Variants in GLYR1 observed in about 807,000 individuals in gnomAD.
The protein encoded by GLYR1 is glyoxylate reductase 1 homolog.
Under a neutral mutation model 72.7 loss-of-function variants are expected in GLYR1, and 21 were observed. That is an observed-to-expected ratio of 0.29 (90% CI 0.20 to 0.42). The LOEUF is 0.42. Among genes scored for constraint, GLYR1 ranks in the 10% least tolerant of loss-of-function variants. GLYR1 has a pLI of 1.00. For synonymous variants in GLYR1, 392 were observed against 270.2 expected, an observed-to-expected ratio of 1.45 and a Z score of -4.42; for missense variants, 594 against 712.1, an observed-to-expected ratio of 0.83 and a Z score of 1.89.
At position 4,811,708 on chromosome 16, in the gene GLYR1, C is replaced by T. The variant is rs2085329; in HGVS notation, c.1377G>A (p.Gln459=). The T allele has an allele frequency of 6.2e-7, 1 of 1,614,206 alleles. No individual in the cohort carries two copies. The highest frequency in any genetic ancestry group is 8.5e-7 in the Non-Finnish European group (1 of 1,180,022). ...GTGTCTGCTGGGACTGGCCTGTCAC[C>T]TGGGCCAGGGTCAGCCCCTCGGCAA... ...ATIAEGLTLA[Q]VTGQSQQTLL... Residue 459 remains glutamine, a synonymous_variant, in exon 14 of 16, where the codon CAG becomes CAA. Transcript: ENST00000321919.
chr16:4,814,539 C>T lies in GLYR1; in HGVS notation c.1015G>A (p.Asp339Asn). The change falls in exon 11 of 16, where the codon GAC becomes AAC. Residue 339 changes from aspartate (D) to asparagine (N), a missense_variant and splice_region_variant. Physicochemically the swap from Asp to Asn is conservative, Grantham distance 23. Coordinates refer to ENST00000321919, the MANE Select transcript of GLYR1 (RefSeq NM_032569.4). Reference protein sequence around the residue: ...ACVSDPKAAKDLVLGPSGVLQ... With the variant: ...ACVSDPKAAKNLVLGPSGVLQ... Reference sequence around the variant, plus strand: ...GAGGGGAGGGAGGGGGTCCTTACGTCCTTGGCCGCCTTGGGATCCGACACG... The same window carrying T: ...GAGGGGAGGGAGGGGGTCCTTACGTTCTTGGCCGCCTTGGGATCCGACACG... 1 of 1,613,134 alleles carries T rather than the reference C, an allele frequency of 6.2e-7. No individual in the cohort carries two copies. The highest frequency in any genetic ancestry group is 8.5e-7 in the Non-Finnish European group (1 of 1,179,808).
intron 15 of GLYR1, among the ~76,000 whole-genome samples, chr16:4,805,785 G>C (rs952482502): frequency 6.6e-6 from 1 of 152,004 alleles, no homozygotes; most frequent in South Asian, 2.1e-4. Flanking sequence ...AGACCAGCCT[G>C]GTGACCGTCG....
intron 15 of GLYR1, among the ~76,000 whole-genome samples, chr16:4,809,607 G>A (rs1451561780): frequency 9.8e-5 from 13 of 132,794 alleles, no homozygotes; most frequent in Admixed American, 2.3e-4. Flanking sequence ...GCGAAACTCC[G>A]TCTCAAAAAA....
chr16:4,808,402 A>G (rs1393967378), intron 15 of GLYR1, among the ~76,000 whole-genome samples: 9 of 151,860 alleles, frequency 5.9e-5, no homozygotes, highest in African/African-American at 2.2e-4. Context: ...TTTGAGACCA[A>G]CCTGGCCAAC....
Position 4,808,876 on chromosome 16 carries a change from G to T in GLYR1, c.1587+2294C>A, listed in dbSNP as rs371546928. ...AGCTACTCGGGAGGCTGAGGTGGGAGGATTGCTTGAGCCTAGGAAGTCAAG... is the reference window on the plus strand; with the variant it reads ...AGCTACTCGGGAGGCTGAGGTGGGATGATTGCTTGAGCCTAGGAAGTCAAG... On this transcript the variant is annotated intron_variant, in intron 15 of 15. Transcript: ENST00000321919. Among the ~76,000 whole-genome samples, 20 of 152,168 alleles carry T rather than the reference G, an allele frequency of 1.3e-4. No individual in the cohort carries two copies. In the East Asian group the frequency reaches 3.3e-3, roughly 25 times the overall value.
intron 3 of GLYR1, among the ~76,000 whole-genome samples, chr16:4,833,720 A>C (rs549119632): frequency 1.3e-5 from 2 of 152,236 alleles, no homozygotes; most frequent in East Asian, 3.9e-4. Flanking sequence ...GTAATTTTTA[A>C]TTTCAACCAT....
At chr16:4,828,587 A>C (rs17832589) in intron 5 of GLYR1, among the ~76,000 whole-genome samples, 17,301 of 152,010 alleles carry the variant, frequency 0.11, 1,395 homozygotes, top group South Asian at 0.25. Context: ...TCGTGAGACG[A>C]GTTCCTGTAA....
At chr16:4,838,404 G>C (rs549078448) in intron 3 of GLYR1, among the ~76,000 whole-genome samples, 3 of 152,240 alleles carry the variant, frequency 2.0e-5, no homozygotes, top group East Asian at 3.9e-4. Context: ...TGCACTTCCT[G>C]AAAGGGCTGC....
intron 9 of GLYR1, among the ~76,000 whole-genome samples, chr16:4,819,866 C>G (rs573789591): frequency 3.9e-5 from 6 of 152,220 alleles, no homozygotes; most frequent in African/African-American, 1.4e-4. Context: ...CAAGTTGTGG[C>G]TTAAAAACAA....
chr16:4,812,148 C>A lies in GLYR1; in HGVS notation c.1220G>T (p.Arg407Met). Residue 407 changes from arginine (R) to methionine (M), a missense_variant, in exon 13 of 16, where the codon AGG becomes ATG. Physicochemically the swap from Arg to Met is moderately conservative, Grantham distance 91. This residue lies in a region of GLYR1 where 266 missense variants were observed against 358.4 expected (regional missense o/e 0.74). Transcript: ENST00000321919. ...GCTGCTGCAGTCCTCATATAAGCCC[C>A]TGTCTCCAGCCGCTAAGATCACCAA... ...GMLVILAAGDRGLYEDCSSCF... is the reference protein window; with the variant it reads ...GMLVILAAGDMGLYEDCSSCF... 1 of 1,614,178 alleles carries A rather than the reference C, an allele frequency of 6.2e-7. No homozygotes were observed. Among genetic ancestry groups the A allele is most frequent in the Non-Finnish European group, 8.5e-7 (1 of 1,180,026 alleles).
At chr16:4,830,690 C>T (rs1342810000) in intron 5 of GLYR1, among the ~76,000 whole-genome samples, 1 of 152,200 alleles carries the variant, frequency 6.6e-6, no homozygotes, top group African/African-American at 2.4e-5. Flanking sequence ...AATCCTACCG[C>T]GTTCCTGACA....
chr16:4,806,741 T>C (rs2083001481), intron 15 of GLYR1, among the ~76,000 whole-genome samples: 1 of 150,802 alleles, frequency 6.6e-6, no homozygotes, highest in Admixed American at 6.6e-5. Context: ...GAGTAACCAC[T>C]AAAAAAAGAA....
chr16:4,807,727 T>C (rs1470413363), intron 15 of GLYR1, among the ~76,000 whole-genome samples: 2 of 152,282 alleles, frequency 1.3e-5, no homozygotes, highest in East Asian at 3.9e-4. Flanking sequence ...AAGAGAAGCT[T>C]TCCCAGCCCA....
intron 5 of GLYR1, among the ~76,000 whole-genome samples, chr16:4,825,017 A>G (rs1263526928): frequency 1.3e-5 from 2 of 151,834 alleles, no homozygotes; most frequent in Middle Eastern, 3.4e-3. Flanking sequence ...GATCTGCCCA[A>G]CCCCTTCTTC....
At chr16:4,808,836 C>T (rs924542640) in intron 15 of GLYR1, among the ~76,000 whole-genome samples, 11 of 151,732 alleles carry the variant, frequency 7.2e-5, no homozygotes, top group African/African-American at 2.7e-4. Flanking sequence ...TACAGTTGTG[C>T]ACGCCTATAG....
Position 4,821,369 on chromosome 16 carries a change from A to C in GLYR1, c.806+11T>G, listed in dbSNP as rs760446359. 1.1e-5 allele frequency: 18 copies of C among 1,612,502 alleles called. 1 individual carries two copies. The South Asian group carries it at 2.0e-4, about 18-fold the overall frequency. On this transcript the variant is annotated intron_variant, in intron 9 of 15. Coordinates refer to ENST00000321919, the MANE Select transcript of GLYR1 (RefSeq NM_032569.4). ...CAGAGCCACTGGAGGCCTTTTCATC[A>C]AAGGTCCTACTTTTTGTCTGTGGGT...
intron 3 of GLYR1, among the ~76,000 whole-genome samples, chr16:4,837,410 G>A (rs1056949328): frequency 6.6e-6 from 1 of 151,130 alleles, no homozygotes; most frequent in Non-Finnish European, 1.5e-5. Context: ...CAGCATGGGC[G>A]ACAGAGCAAG....
Position 4,811,188 on chromosome 16 carries a change from C to T in GLYR1, c.1569G>A (p.Met523Ile). 2.5e-6 allele frequency: 4 copies of T among 1,614,006 alleles called. No individual in the cohort carries two copies. The highest frequency in any genetic ancestry group is 3.4e-6 in the Non-Finnish European group (4 of 1,180,014). ...ACCCTACCTCATTTGCTGCAGCTGC[C>T]ATGGGAGTCGGATGGTTGACCGCAT... is the stretch of plus-strand genomic sequence containing the variant. ...LGDAVNHPTP[M>I]AAAANEVYKR... Residue 523 changes from methionine (M) to isoleucine (I), a missense_variant, in exon 15 of 16, where the codon ATG becomes ATA. Met to Ile is a conservative substitution (Grantham distance 10). This residue lies in a region of GLYR1 where 266 missense variants were observed against 358.4 expected (regional missense o/e 0.74). Transcript: ENST00000321919.
intron 10 of GLYR1, 78 bp downstream of exon 10, chr16:4,817,520 G>T: frequency 1.2e-6 from 1 of 853,750 alleles, no homozygotes; most frequent in South Asian, 1.4e-5. Context: ...AGAACGCTGA[G>T]ACAACAGGGG....
Sources: gnomAD v4.1 joint callset for allele counts (sites outside exome capture counted in the v4.1 genomes callset) on GRCh38, gnomAD v4.1.1 for gene constraint, gnomAD v4.1.1 regional missense constraint, MANE v1.5 for transcripts, NCBI Gene and HGNC (gene_info 2026-07-23, HGNC 2026-07-21) for gene names.